Variants in SAXO5 observed in about 807,000 individuals in gnomAD.
SAXO5 encodes the protein stabilizer of axonemal microtubules 5.
At chr19:7,498,803 A>C in the SAXO5 span, 3 of 152,394 alleles carry the variant, frequency 2.0e-5, no homozygotes, top group African/African-American at 7.2e-5. Context: ...CTGGTCTCCA[A>C]GGGAGACAGA....
the SAXO5 span, chr19:7,497,702 C>T: frequency 3.3e-5 from 5 of 152,124 alleles, no homozygotes; most frequent in Admixed American, 6.6e-5. Flanking sequence ...CTGTCCTCGT[C>T]CCTGATGTAC....
the SAXO5 span, chr19:7,500,874 C>A: frequency 6.4e-7 from 1 of 1,558,194 alleles, no homozygotes; most frequent in East Asian, 2.5e-5. Flanking sequence ...GATGTCCCGG[C>A]TGGACTTCCT....
the SAXO5 span, chr19:7,501,411 C>A: frequency 6.8e-7 from 1 of 1,471,334 alleles, no homozygotes; most frequent in Non-Finnish European, 8.9e-7. Context: ...TGAGCGCGCG[C>A]CCGGGCTGAG....
the SAXO5 span, among the ~76,000 whole-genome samples, chr19:7,498,185 A>G: frequency 6.6e-6 from 1 of 150,706 alleles, no homozygotes; most frequent in African/African-American, 2.4e-5. Flanking sequence ...ACACACACAC[A>G]CACACACACA....
chr19:7,506,613 C>T, the SAXO5 span: 1 of 356,860 alleles, frequency 2.8e-6, no homozygotes, highest in Non-Finnish European at 5.3e-6. Flanking sequence ...CGGCCCCGCC[C>T]CTGACCTTCT....
chr19:7,505,742 A>G, the SAXO5 span: 1 of 1,094,572 alleles, frequency 9.1e-7, no homozygotes, highest in South Asian at 1.4e-5. Context: ...AATCTCCTGG[A>G]TGTACTTGAG....
At chr19:7,504,637 C>T in the SAXO5 span, among the ~76,000 whole-genome samples, 2 of 150,860 alleles carry the variant, frequency 1.3e-5, no homozygotes, top group Non-Finnish European at 2.9e-5. Context: ...ACCCGGGAGG[C>T]GGAGGCTGCA....
chr19:7,500,285 G>A, the SAXO5 span, among the ~76,000 whole-genome samples: 3 of 151,784 alleles, frequency 2.0e-5, no homozygotes, highest in South Asian at 2.1e-4. Flanking sequence ...CAGGCCTACA[G>A]TAGGCACCAC....
At chr19:7,506,435 T>C in the SAXO5 span, 1 of 475,916 alleles carries the variant, frequency 2.1e-6, no homozygotes, top group Non-Finnish European at 3.8e-6. Context: ...ATCCCGCCCC[T>C]TCATGGCCAT....
chr19:7,499,404 A>C, the SAXO5 span, among the ~76,000 whole-genome samples: 1 of 150,800 alleles, frequency 6.6e-6, no homozygotes, highest in Non-Finnish European at 1.5e-5. Context: ...GAGAGAAGGG[A>C]GAAAAAGTGT....
At chr19:7,505,731 G>A in the SAXO5 span, 45 of 1,136,296 alleles carry the variant, frequency 4.0e-5, no homozygotes, top group Non-Finnish European at 5.4e-5. Context: ...ATGTATGCAG[G>A]AATCTCCTGG....
chr19:7,503,081 G>A, the SAXO5 span, among the ~76,000 whole-genome samples: 9 of 152,134 alleles, frequency 5.9e-5, no homozygotes, highest in South Asian at 2.1e-4. Flanking sequence ...AAGAAGTTGC[G>A]GCCGGGTGCA....
chr19:7,504,334 A>G, the SAXO5 span: 1 of 1,614,188 alleles, frequency 6.2e-7, no homozygotes, highest in Non-Finnish European at 8.5e-7. Context: ...TGGAGCTGGG[A>G]GACTGCAAGA....
chr19:7,506,327 G>T, the SAXO5 span: 1 of 683,166 alleles, frequency 1.5e-6, no homozygotes, highest in Non-Finnish European at 2.6e-6. Flanking sequence ...CACTGCTCTG[G>T]CCCCGCCCCT....
the SAXO5 span, chr19:7,504,154 G>C: frequency 6.2e-7 from 1 of 1,613,928 alleles, no homozygotes; most frequent in Non-Finnish European, 8.5e-7. Context: ...GACTACACGA[G>C]ACAAGATGGG....
the SAXO5 span, chr19:7,504,386 A>G: frequency 6.2e-7 from 1 of 1,614,116 alleles, no homozygotes; most frequent in Non-Finnish European, 8.5e-7. Context: ...ACAGGCCTAC[A>G]GGCCCCAGGA....
At chr19:7,499,536 G>A in the SAXO5 span, 2 of 152,494 alleles carry the variant, frequency 1.3e-5, no homozygotes, top group African/African-American at 4.8e-5. Context: ...CTGAGGGTGA[G>A]AAGACGCGGT....
the SAXO5 span, among the ~76,000 whole-genome samples, chr19:7,503,010 G>A: frequency 6.6e-6 from 1 of 152,182 alleles, no homozygotes; most frequent in Non-Finnish European, 1.5e-5. Context: ...TTTCTGGCAA[G>A]TTGCTTAACC....
chr19:7,508,242 C>G, the SAXO5 span: 37 of 1,613,914 alleles, frequency 2.3e-5, no homozygotes, highest in Admixed American at 5.3e-4. Context: ...TCTGGGTGGA[C>G]TGCGCTTCTT....
Sources: allele counts gnomAD v4.1 joint callset (sites outside exome capture counted in the v4.1 genomes callset), GRCh38; gene constraint gnomAD v4.1.1; transcripts MANE v1.5; gene names NCBI Gene and HGNC (gene_info 2026-07-23, HGNC 2026-07-21).